Variants in CAPZA1 observed in about 807,000 individuals in gnomAD.
CAPZA1 encodes capping actin protein of muscle Z-line subunit alpha 1, also known as F-actin-capping protein subunit alpha-1.
A neutral mutation model predicts 40.8 loss-of-function variants in CAPZA1; 10 were observed. That is an observed-to-expected ratio of 0.25 (90% CI 0.15 to 0.42). The LOEUF (loss-of-function observed/expected upper bound fraction) is 0.42, where lower values mean the gene tolerates loss of function less well. CAPZA1 is among the 10% of genes least tolerant of loss of function. The pLI, the probability that CAPZA1 is intolerant of heterozygous loss-of-function variation, is 1.00. For missense variants in CAPZA1, 277 were observed against 353.8 expected (o/e 0.78, Z 1.74); for synonymous variants, 98 against 115.0 (o/e 0.85, Z 0.95).
chr1:112,665,732 C>G (rs1210615910), intron 7 of CAPZA1, among the ~76,000 whole-genome samples: 2 of 152,130 alleles, frequency 1.3e-5, no homozygotes, highest in Non-Finnish European at 2.9e-5. Context: ...TAGAACGGCA[C>G]TAATCCCTTG....
intron 1 of CAPZA1, among the ~76,000 whole-genome samples, chr1:112,642,007 T>C (rs1429948759): frequency 6.6e-6 from 1 of 151,838 alleles, no homozygotes; most frequent in Non-Finnish European, 1.5e-5. Flanking sequence ...TTTTCCAAAA[T>C]AGAACAGGAA....
intron 5 of CAPZA1, among the ~76,000 whole-genome samples, chr1:112,656,764 C>T (rs1469279027): frequency 6.6e-6 from 1 of 152,048 alleles, no homozygotes; most frequent in East Asian, 1.9e-4. Context: ...ATGTCTTCAG[C>T]TGACCTGCTT....
At chr1:112,644,224 A>G (rs1426221277) in intron 1 of CAPZA1, among the ~76,000 whole-genome samples, 1 of 104,022 alleles carries the variant, frequency 9.6e-6, no homozygotes, top group Non-Finnish European at 1.8e-5. Flanking sequence ...AGAGTCTCCC[A>G]CAGTTGCCCA....
At chr1:112,635,009 G>A (rs549750470) in intron 1 of CAPZA1, among the ~76,000 whole-genome samples, 31 of 152,138 alleles carry the variant, frequency 2.0e-4, no homozygotes, top group Non-Finnish European at 3.5e-4. Flanking sequence ...CCTGCCATGT[G>A]TAATTTAATT....
chr1:112,647,695 T>C (rs1671308376), intron 2 of CAPZA1, among the ~76,000 whole-genome samples: 1 of 152,258 alleles, frequency 6.6e-6, no homozygotes, highest in South Asian at 2.1e-4. Flanking sequence ...GGGGAGCTTA[T>C]TAAATATGCA....
intron 1 of CAPZA1, among the ~76,000 whole-genome samples, chr1:112,630,463 C>T (rs1169279125): frequency 6.6e-6 from 1 of 152,136 alleles, no homozygotes; most frequent in Non-Finnish European, 1.5e-5. Context: ...CCTGTCTCAG[C>T]CTCCCGAGTA....
chr1:112,650,402 A>G (rs2101167311), intron 3 of CAPZA1, among the ~76,000 whole-genome samples: 1 of 152,296 alleles, frequency 6.6e-6, no homozygotes, highest in Non-Finnish European at 1.5e-5. Context: ...GTCATCGTGA[A>G]TGATACCCTA....
At chr1:112,666,902 T>C (rs780689281) in intron 7 of CAPZA1, 172 bp from the exon 8 acceptor site, 3 of 561,510 alleles carry the variant, frequency 5.3e-6, no homozygotes, top group Non-Finnish European at 9.6e-6. Flanking sequence ...TTAAGTGTTC[T>C]GTGGATTAAT....
At chr1:112,662,436 T>C (rs1044885618) in intron 7 of CAPZA1, among the ~76,000 whole-genome samples, 16 of 145,048 alleles carry the variant, frequency 1.1e-4, no homozygotes, top group African/African-American at 3.8e-4. Context: ...TCTCGCTCTG[T>C]TGCCCAGGAT....
chr1:112,623,692 A>G (rs1037778525), intron 1 of CAPZA1, among the ~76,000 whole-genome samples: 24 of 150,160 alleles, frequency 1.6e-4, no homozygotes, highest in Non-Finnish European at 3.1e-4. Flanking sequence ...AAAAAAAAAA[A>G]AAAAGAAAAG....
chr1:112,627,883 C>T (rs867310550), intron 1 of CAPZA1, among the ~76,000 whole-genome samples: 1 of 151,946 alleles, frequency 6.6e-6, no homozygotes, highest in Non-Finnish European at 1.5e-5. Flanking sequence ...TAGCTTAAAC[C>T]CAGGAGACGG....
At chr1:112,639,117 C>G (rs61818802) in intron 1 of CAPZA1, among the ~76,000 whole-genome samples, 29,680 of 151,340 alleles carry the variant, frequency 0.2, 3,696 homozygotes, top group East Asian at 0.47. Flanking sequence ...TATCTAATAA[C>G]CATCCACCAT....
At chr1:112,635,269 A>G (rs1009263690) in intron 1 of CAPZA1, among the ~76,000 whole-genome samples, 6 of 152,212 alleles carry the variant, frequency 3.9e-5, no homozygotes, top group African/African-American at 1.4e-4. Context: ...CAAGGAGAGT[A>G]TGAGTCAAGG....
chr1:112,663,971 C>T (rs1027527596), intron 7 of CAPZA1, among the ~76,000 whole-genome samples: 1 of 151,932 alleles, frequency 6.6e-6, no homozygotes. Flanking sequence ...CGGTGGCTCA[C>T]GCCTGTAATC....
At chr1:112,638,334 A>G (rs1671062211) in intron 1 of CAPZA1, among the ~76,000 whole-genome samples, 1 of 152,010 alleles carries the variant, frequency 6.6e-6, no homozygotes, top group Non-Finnish European at 1.5e-5. Flanking sequence ...TTATTTTTTG[A>G]GACAGAGTCT....
At chr1:112,642,023 G>A (rs1671178360) in intron 1 of CAPZA1, among the ~76,000 whole-genome samples, 1 of 150,992 alleles carries the variant, frequency 6.6e-6, no homozygotes, top group South Asian at 2.1e-4. Context: ...AGGAATTAGT[G>A]TGACAAGTCA....
chr1:112,656,466 T>TTTTTTAAATTAG, intron 5 of CAPZA1, among the ~76,000 whole-genome samples: 1 of 94,410 alleles, frequency 1.1e-5, no homozygotes, highest in Admixed American at 1.1e-4. Context: ...TTTTTTTTTT[T>TTTTTTAAATTAG]AATGAGAATA....
At chr1:112,626,553 T>C (rs753808698) in intron 1 of CAPZA1, among the ~76,000 whole-genome samples, 13 of 152,216 alleles carry the variant, frequency 8.5e-5, no homozygotes, top group Non-Finnish European at 1.8e-4. Context: ...TCCTCTTGTA[T>C]CTTTTCTAAT....
chr1:112,637,824 A>G (rs928572192), intron 1 of CAPZA1, among the ~76,000 whole-genome samples: 3 of 152,196 alleles, frequency 2.0e-5, no homozygotes, highest in African/African-American at 7.2e-5. Context: ...GAATAATCAT[A>G]TTTCATGATG....
Sources: allele counts gnomAD v4.1 joint callset (sites outside exome capture counted in the v4.1 genomes callset), GRCh38; gene constraint gnomAD v4.1.1; transcripts MANE v1.5; gene names NCBI Gene and HGNC (gene_info 2026-07-23, HGNC 2026-07-21).